The following SLC30A4 variants were observed in gnomAD, a reference collection of about 807,000 sequenced individuals.
The protein encoded by SLC30A4 is probable proton-coupled zinc antiporter SLC30A4.
In SLC30A4, 20 loss-of-function variants were observed where a neutral mutation model predicts 41.7. That is an observed-to-expected ratio of 0.48 (90% CI 0.34 to 0.70). The LOEUF (loss-of-function observed/expected upper bound fraction) is 0.70, where lower values mean the gene tolerates loss of function less well. SLC30A4 is among the 30% of genes least tolerant of loss of function. SLC30A4 has a pLI of 0.01. For missense variants in SLC30A4, 441 were observed against 529.3 expected (o/e 0.83, Z 1.64); for synonymous variants, 181 against 195.9 (o/e 0.92, Z 0.64).
At chr15:45,488,818 A>G in intron 5 of SLC30A4, 23 bp downstream of exon 5, 1 of 1,592,490 alleles carries the variant, frequency 6.3e-7, no homozygotes, top group Non-Finnish European at 8.6e-7. Context: ...ATTTTAAAAT[A>G]GAAAAATTAC....
Position 45,481,850 on chromosome 15 carries a change from T to A in SLC30A4, c.*3313A>T, listed in dbSNP as rs941984014. 1 of 152,034 alleles carries A rather than the reference T, an allele frequency of 6.6e-6. No homozygotes were observed. The highest frequency in any genetic ancestry group is 6.6e-5 in the Admixed American group (1 of 15,236). The allele number at this position is 152,034 out of a possible 1,614,324, so 9.4% of individuals were successfully genotyped here. On this transcript the variant is annotated 3_prime_UTR_variant, in exon 8 of 8. Transcript: ENST00000261867. ...TAAGGTAAAGATACAAACTATGTAC[T>A]TTTTCCTACAAAAACAAAGCACAGG... is the stretch of plus-strand genomic sequence containing the variant.
At chr15:45,515,486 C>A (rs1892441918) in intron 2 of SLC30A4, among the ~76,000 whole-genome samples, 1 of 151,968 alleles carries the variant, frequency 6.6e-6, no homozygotes, top group African/African-American at 2.4e-5. Flanking sequence ...AAGCCCGTCT[C>A]TACCAAAAAT....
At position 45,482,803 on chromosome 15, in the gene SLC30A4, T is replaced by C. The variant is rs1891623136; in HGVS notation, c.*2360A>G. 2 of 152,198 alleles carry C rather than the reference T, an allele frequency of 1.3e-5. No homozygotes were observed. Among genetic ancestry groups the C allele is most frequent in the Non-Finnish European group, 2.9e-5 (2 of 68,028 alleles). The allele number at this position is 152,198 out of a possible 1,614,324, so 9.4% of individuals were successfully genotyped here. A position where few individuals can be genotyped will look rare whatever the true frequency, so the allele number is the denominator to read the frequency against. ...ATCATGTATATTTTCTTTTCCTTTT[T>C]GTTTTTGAGATAGGGTCTCATTTTG... On this transcript the variant is annotated 3_prime_UTR_variant, in exon 8 of 8. Coordinates refer to ENST00000261867, the MANE Select transcript of SLC30A4 (RefSeq NM_013309.6).
chr15:45,497,084 ATTTTGTTTTG>A (rs1891922566), intron 3 of SLC30A4: 2 of 151,482 alleles, frequency 1.3e-5, no homozygotes, highest in Admixed American at 1.3e-4. Flanking sequence ...GTTTTGTTTT[ATTTTGTTTTG>A]TTTCTCTCTG....
At chr15:45,487,742 C>T in intron 5 of SLC30A4, 110 bp from the exon 6 acceptor site, 1 of 602,342 alleles carries the variant, frequency 1.7e-6, no homozygotes, top group Non-Finnish European at 3.0e-6. Flanking sequence ...AGCAGAATTA[C>T]AGAATACCTT....
At chr15:45,500,682 TA>T (rs1292724137) in intron 3 of SLC30A4, among the ~76,000 whole-genome samples, 1 of 152,024 alleles carries the variant, frequency 6.6e-6, no homozygotes, top group Non-Finnish European at 1.5e-5. Flanking sequence ...GTTTTATTTT[TA>T]TTTTTTTATT....
intron 3 of SLC30A4, among the ~76,000 whole-genome samples, chr15:45,493,170 G>C (rs549754899): frequency 6.6e-6 from 1 of 152,164 alleles, no homozygotes; most frequent in South Asian, 2.1e-4. Context: ...TCCTTGGGAG[G>C]CTGAGGCAGA....
intron 2 of SLC30A4, among the ~76,000 whole-genome samples, chr15:45,515,223 T>G (rs1367498403): frequency 6.6e-6 from 1 of 151,814 alleles, no homozygotes; most frequent in Non-Finnish European, 1.5e-5. Context: ...AGATAAGCTC[T>G]CACTATACTG....
chr15:45,507,606 G>T (rs1682074077), intron 3 of SLC30A4, among the ~76,000 whole-genome samples: 1 of 150,482 alleles, frequency 6.6e-6, no homozygotes, highest in Admixed American at 6.7e-5. Context: ...TCATGTCTCA[G>T]CCTCCCATGC....
chr15:45,492,737 T>TA (rs1003037344), intron 3 of SLC30A4, among the ~76,000 whole-genome samples: 2 of 149,838 alleles, frequency 1.3e-5, no homozygotes, highest in South Asian at 2.1e-4. Flanking sequence ...ACCATTTGTA[T>TA]AAAAAAAAAG....
rs984442730 is a variant in SLC30A4, at chr15:45,480,603, C to A, written c.*4560G>T. On this transcript the variant is annotated 3_prime_UTR_variant, in exon 8 of 8. Coordinates refer to ENST00000261867, the MANE Select transcript of SLC30A4 (RefSeq NM_013309.6). ...TGAACCAAATGAACTAATCTTCTATCTAGGAAACACTCTGTAACTTTAAAT... is the reference window on the plus strand; with the variant it reads ...TGAACCAAATGAACTAATCTTCTATATAGGAAACACTCTGTAACTTTAAAT... 1 of 152,140 alleles carries A rather than the reference C, an allele frequency of 6.6e-6. No individual in the cohort carries two copies. The highest frequency in any genetic ancestry group is 2.4e-5 in the African/African-American group (1 of 41,424). 9.4% of individuals were successfully genotyped at this position (152,140 alleles called of 1,614,324 possible). A position where few individuals can be genotyped will look rare whatever the true frequency, so the allele number is the denominator to read the frequency against.
chr15:45,517,952 TAAAAAC>T (rs995634096), intron 2 of SLC30A4, among the ~76,000 whole-genome samples: 1 of 151,930 alleles, frequency 6.6e-6, no homozygotes, highest in Non-Finnish European at 1.5e-5. Flanking sequence ...CGTCTCAAAA[TAAAAAC>T]AAAAACAAAA....
At chr15:45,493,598 C>T (rs1891851740) in intron 3 of SLC30A4, among the ~76,000 whole-genome samples, 2 of 152,084 alleles carry the variant, frequency 1.3e-5, no homozygotes, top group Admixed American at 6.5e-5. Context: ...GAGGCCGAGG[C>T]GGGCGGATCA....
intron 3 of SLC30A4, among the ~76,000 whole-genome samples, chr15:45,505,262 AAAG>A (rs1359342641): frequency 2.0e-5 from 3 of 151,426 alleles, no homozygotes; most frequent in Non-Finnish European, 4.4e-5. Flanking sequence ...AAAAGAAAGA[AAAG>A]AAAAAAAAAG....
At position 45,522,325 on chromosome 15, in the gene SLC30A4, G is replaced by C. The variant is rs1459660196; in HGVS notation, c.30C>G (p.Leu10=). 2 of 1,612,960 alleles carry C rather than the reference G, an allele frequency of 1.2e-6. No homozygotes were observed. The highest frequency in any genetic ancestry group is 1.7e-6 in the Non-Finnish European group (2 of 1,179,716). The change falls in exon 2 of 8, where the codon CTC becomes CTG. Residue 10 remains leucine (L), a synonymous_variant. Coordinates refer to ENST00000261867, the MANE Select transcript of SLC30A4 (RefSeq NM_013309.6). ...CATCATCCTTCCTTAGCATAGATTT[G>C]AGGCGCTTCCACGCGCCAGAGCCGG... The part of the protein sequence containing the change: MAGSGAWKR[L]KSMLRKDDAP...
intron 2 of SLC30A4, among the ~76,000 whole-genome samples, chr15:45,517,674 C>T (rs932434484): frequency 1.3e-5 from 2 of 151,914 alleles, no homozygotes; most frequent in Admixed American, 6.6e-5. Flanking sequence ...GTTGGCCAGG[C>T]GCGGTGGCTC....
At chr15:45,521,523 T>C (rs569979422) in intron 2 of SLC30A4, among the ~76,000 whole-genome samples, 1 of 150,256 alleles carries the variant, frequency 6.7e-6, no homozygotes, top group East Asian at 1.9e-4. Context: ...GTTTGTGCCC[T>C]GGAAATCCTT....
Position 45,522,239 on chromosome 15 carries a change from C to T in SLC30A4, c.116G>A (p.Gly39Glu). Residue 39 changes from glycine to glutamate, a missense_variant, in exon 2 of 8, where the codon GGG (glycine) becomes GAG (glutamate). Around this residue, in one of 3 missense-constraint regions of SLC30A4, gnomAD observed 312 missense variants for 341.9 expected, o/e 0.91. Transcript: ENST00000261867. ...FDFSDEAGDE[G>E]LSRFNKLRVV... is the part of the protein sequence containing the mutation. ...TCGAAGTTTGTTGAACCGAGAAAGCCCCTCGTCCCCCGCCTCATCCGAGAA... is the reference window on the plus strand; with the variant it reads ...TCGAAGTTTGTTGAACCGAGAAAGCTCCTCGTCCCCCGCCTCATCCGAGAA... 4 of 1,614,232 alleles carry T rather than the reference C, an allele frequency of 2.5e-6. No homozygotes were observed. Among genetic ancestry groups the T allele is most frequent in the Non-Finnish European group, 3.4e-6 (4 of 1,180,042 alleles).
intron 3 of SLC30A4, among the ~76,000 whole-genome samples, chr15:45,505,238 TAA>T (rs1209222695): frequency 3.0e-4 from 16 of 53,256 alleles, no homozygotes; most frequent in Admixed American, 4.1e-4. Flanking sequence ...TCTCAAAAAT[TAA>T]AAAAAAAAAA....
Sources: allele counts gnomAD v4.1 joint callset (sites outside exome capture counted in the v4.1 genomes callset), GRCh38; gene constraint gnomAD v4.1.1; regional missense constraint gnomAD v4.1.1; transcripts MANE v1.5; gene names NCBI Gene and HGNC (gene_info 2026-07-23, HGNC 2026-07-21).